KCNQ2: variants seen among roughly 807,000 people sequenced by gnomAD.
The protein encoded by KCNQ2 is potassium voltage-gated channel subfamily KQT member 2.
A neutral mutation model predicts 84.8 loss-of-function variants in KCNQ2; 14 were observed. The ratio of observed to expected loss-of-function variants is 0.17; its 90% CI spans 0.11 to 0.26. The LOEUF (loss-of-function observed/expected upper bound fraction) is 0.26, where lower values mean the gene tolerates loss of function less well. KCNQ2 is among the 10% of genes least tolerant of loss of function. KCNQ2 has a pLI of 1.00. For synonymous variants in KCNQ2, 599 were observed against 554.1 expected, an observed-to-expected ratio of 1.08 and a Z score of -1.14; for missense variants, 788 against 1,254.0, an observed-to-expected ratio of 0.63 and a Z score of 5.61.
At chr20:63,439,391 G>A (rs757935157) in intron 6 of KCNQ2, among the ~76,000 whole-genome samples, 4 of 152,188 alleles carry the variant, frequency 2.6e-5, no homozygotes, top group East Asian at 1.9e-4. Flanking sequence ...TGCTCCTGTC[G>A]GGGCTGGGGA....
chr20:63,470,201 C>T (rs1051144761), intron 1 of KCNQ2, among the ~76,000 whole-genome samples: 9 of 152,142 alleles, frequency 5.9e-5, no homozygotes, highest in Non-Finnish European at 1.0e-4. Context: ...CCAAGCCACC[C>T]CTGCCCACAG....
chr20:63,418,943 A>G (rs35268259), intron 12 of KCNQ2, among the ~76,000 whole-genome samples: 35,316 of 152,142 alleles, frequency 0.23, 5,126 homozygotes, highest in Non-Finnish European at 0.34. Flanking sequence ...CGACACAGCC[A>G]CCTCCACCTT....
At chr20:63,470,316 G>A (rs1038690360) in intron 1 of KCNQ2, among the ~76,000 whole-genome samples, 2 of 152,224 alleles carry the variant, frequency 1.3e-5, no homozygotes, top group African/African-American at 2.4e-5. Flanking sequence ...AGGCGGGGCT[G>A]TTCAGACGTT....
At chr20:63,430,078 C>T (rs2080747176) in intron 9 of KCNQ2, among the ~76,000 whole-genome samples, 5 of 152,350 alleles carry the variant, frequency 3.3e-5, no homozygotes, top group South Asian at 2.1e-4. Flanking sequence ...GGGACCCACA[C>T]GCACGCAGGC....
Position 63,400,324 on chromosome 20 carries a change from A to ACACCCGAAGT in KCNQ2, c.*6310_*6319dup. On this transcript the variant is annotated 3_prime_UTR_variant, in exon 17 of 17. Transcript: ENST00000359125. This position sits in a 1 kb window ranked among gnomAD's most constrained non-coding sequence, Gnocchi z 8.7. Reference sequence around the variant, plus strand: ...ACGGCCATCGCGGCCGCAGGACCCCACACCCGAAGTCCCCCGCAAACCCGC... The same window carrying ACACCCGAAGT: ...ACGGCCATCGCGGCCGCAGGACCCCACACCCGAAGTCACCCGAAGTCCCCCGCAAACCCGC... 1 of 300,284 alleles carries ACACCCGAAGT rather than the reference A, an allele frequency of 3.3e-6. No homozygotes were observed. 18.6% of individuals were successfully genotyped at this position (300,284 alleles called of 1,614,324 possible). A position where few individuals can be genotyped will look rare whatever the true frequency, so the allele number is the denominator to read the frequency against.
chr20:63,430,082 C>T (rs556497992), intron 9 of KCNQ2, among the ~76,000 whole-genome samples: 3 of 152,354 alleles, frequency 2.0e-5, no homozygotes, highest in South Asian at 2.1e-4. Context: ...CCCACACGCA[C>T]GCAGGCCCAG....
chr20:63,410,972 G>A (rs1413393458), intron 15 of KCNQ2: 2 of 455,934 alleles, frequency 4.4e-6, no homozygotes, highest in Non-Finnish European at 4.4e-6. Context: ...ATAGTCCCTG[G>A]GAGGCAAGAA....
chr20:63,447,671 T>C (rs1305067533), intron 1 of KCNQ2, among the ~76,000 whole-genome samples: 1 of 152,152 alleles, frequency 6.6e-6, no homozygotes, highest in Non-Finnish European at 1.5e-5. Context: ...CTTGGCTCGC[T>C]GCAACCTCCG....
intron 1 of KCNQ2, chr20:63,448,683 C>G (rs1466570663): frequency 6.6e-6 from 1 of 152,326 alleles, no homozygotes; most frequent in Non-Finnish European, 1.5e-5. Flanking sequence ...CCCCTCTCCC[C>G]ACTCCCACAG....
chr20:63,426,506 T>TC (rs1376319611), intron 10 of KCNQ2, among the ~76,000 whole-genome samples: 1 of 152,156 alleles, frequency 6.6e-6, no homozygotes, highest in Non-Finnish European at 1.5e-5. Context: ...ATGCCTTTTT[T>TC]TTTTTTTTTA....
At position 63,425,517 on chromosome 20, in the gene KCNQ2, C is replaced by G. The variant is rs1363582437; in HGVS notation, c.1218-1311G>C. ...GGTGGATCACCTGAGGTCAGGAGTTCGAGACCAGCCTGACCAACATGGTGA... is the reference window on the plus strand; with the variant it reads ...GGTGGATCACCTGAGGTCAGGAGTTGGAGACCAGCCTGACCAACATGGTGA... On this transcript the variant is annotated intron_variant, in intron 10 of 16. Coordinates refer to ENST00000359125, the MANE Select transcript of KCNQ2 (RefSeq NM_172107.4). This position sits in a 1 kb window ranked among gnomAD's most constrained non-coding sequence, Gnocchi z 5.5. 6.6e-6 allele frequency among the ~76,000 whole-genome samples: 1 copy of G among 151,962 alleles called. No individual in the cohort carries two copies. The highest frequency in any genetic ancestry group is 1.5e-5 in the Non-Finnish European group (1 of 67,992).
At chr20:63,420,368 C>A (rs1013299407) in intron 11 of KCNQ2, among the ~76,000 whole-genome samples, 1 of 152,214 alleles carries the variant, frequency 6.6e-6, no homozygotes, top group Non-Finnish European at 1.5e-5. Flanking sequence ...AAAACCCTGG[C>A]GATTTAGCTC....
intron 10 of KCNQ2, among the ~76,000 whole-genome samples, chr20:63,427,388 G>A (rs1489828846): frequency 6.6e-6 from 1 of 152,246 alleles, no homozygotes; most frequent in Non-Finnish European, 1.5e-5. Flanking sequence ...ACCCGCGCTT[G>A]TAGGCGTTTG....
chr20:63,444,915 A>G, intron 3 of KCNQ2, 81 bp from the exon 4 acceptor site: 1 of 1,432,856 alleles, frequency 7.0e-7, no homozygotes, highest in Non-Finnish European at 9.4e-7. Context: ...CCCGCGTTCC[A>G]GGAGGATGTG....
chr20:63,463,261 TTAAAA>T (rs2082002192), intron 1 of KCNQ2, among the ~76,000 whole-genome samples: 1 of 152,042 alleles, frequency 6.6e-6, no homozygotes, highest in Admixed American at 6.5e-5. Flanking sequence ...ACCCCCACAC[TTAAAA>T]TAAATAAATA....
chr20:63,443,310 TCATCACCAC>T (rs2081297684), intron 4 of KCNQ2, among the ~76,000 whole-genome samples: 1 of 19,340 alleles, frequency 5.2e-5, no homozygotes, highest in Admixed American at 5.8e-4. Context: ...ACCATCACCA[TCATCACCAC>T]CACCACCATC....
chr20:63,466,833 C>T (rs1264254127), intron 1 of KCNQ2, among the ~76,000 whole-genome samples: 5 of 152,228 alleles, frequency 3.3e-5, no homozygotes, highest in African/African-American at 4.8e-5. Context: ...GAGCACGTCT[C>T]ACACGGGCGG....
rs907673076 is a variant in KCNQ2, at chr20:63,408,737, C to T, written c.1764-201G>A. 1.1e-4 allele frequency among the ~76,000 whole-genome samples: 17 copies of T among 152,216 alleles called. No individual in the cohort carries two copies. The highest frequency in any genetic ancestry group is 1.9e-4 in the Non-Finnish European group (13 of 68,032). ...CGTCTTCTGGCACCGTGAGGTTCTG[C>T]TCCTGCCCGCTCTGTCCCCAAGGGG... On this transcript the variant is annotated intron_variant, in intron 15 of 16. Coordinates refer to ENST00000359125, the MANE Select transcript of KCNQ2 (RefSeq NM_172107.4). The surrounding 1 kb of genome is among the most constrained non-coding windows in gnomAD (Gnocchi z 5.0).
intron 1 of KCNQ2, among the ~76,000 whole-genome samples, chr20:63,464,184 G>A (rs1053853049): frequency 2.0e-5 from 3 of 152,072 alleles, no homozygotes; most frequent in Admixed American, 1.3e-4. Flanking sequence ...CACTCCCCCT[G>A]CGAGAGGCCG....
Sources: gnomAD v4.1 joint callset for allele counts (sites outside exome capture counted in the v4.1 genomes callset) on GRCh38, gnomAD v4.1.1 for gene constraint, Gnocchi (gnomAD v3.1) non-coding constraint, MANE v1.5 for transcripts, NCBI Gene and HGNC (gene_info 2026-07-23, HGNC 2026-07-21) for gene names.